Variants in GGCX observed in about 807,000 individuals in gnomAD.
GGCX encodes the protein gamma-glutamyl carboxylase, also known as vitamin K-dependent gamma-carboxylase.
A neutral mutation model predicts 88.5 loss-of-function variants in GGCX; 63 were observed. The observed-to-expected ratio is 0.71, with a 90% CI of 0.58 to 0.88. GGCX has a LOEUF of 0.88. Ranked by LOEUF, GGCX falls within the 40% of genes least tolerant of loss-of-function variation. The pLI, the probability that GGCX is intolerant of heterozygous loss-of-function variation, is 0.00. For missense variants in GGCX, 805 were observed against 932.9 expected (o/e 0.86, Z 1.79); for synonymous variants, 368 against 365.8 (o/e 1.01, Z -0.07).
chr2:85,555,108 G>A, intron 6 of GGCX: 1 of 212,060 alleles, frequency 4.7e-6, no homozygotes, highest in Non-Finnish European at 9.7e-6. Context: ...TGAACAGTGA[G>A]TGCCCATCTT....
chr2:85,559,838 A>G (rs780023966), intron 2 of GGCX, among the ~76,000 whole-genome samples: 1 of 152,196 alleles, frequency 6.6e-6, no homozygotes, highest in Non-Finnish European at 1.5e-5. Context: ...AGAAGAGGCT[A>G]CTCAGATCAG....
rs1028959568 is a variant in GGCX at position 85,548,555 on chromosome 2, CTG to C, written c.*1377_*1378del. 1 of 152,186 alleles carries C rather than the reference CTG, an allele frequency of 6.6e-6. No individual in the cohort carries two copies. Among genetic ancestry groups the C allele is most frequent in the Admixed American group, 6.5e-5 (1 of 15,274 alleles). 9.4% of individuals were successfully genotyped at this position (152,186 alleles called of 1,614,324 possible). On this transcript the variant is annotated 3_prime_UTR_variant, in exon 15 of 15. Transcript: ENST00000233838. ...TGCTTAGGAAAGAACCCCCGGAACA[CTG>C]TCCAAGGAGGAGTGGGGGAGAGTAT...
Position 85,551,523 on chromosome 2 carries a change from G to A in GGCX, c.1697C>T (p.Ala566Val), listed in dbSNP as rs1334846820. The A allele has an allele frequency of 6.2e-7, 1 of 1,613,850 alleles. No homozygotes were observed. The highest frequency in any genetic ancestry group is 1.7e-5 in the Admixed American group (1 of 60,006). The stretch of plus-strand genomic sequence containing the variant: ...TCGAAGAGTCTGGTTCTTCTGTTCT[G>A]CCACAAGCTCCACAGTCACTTCCCC... The part of the protein sequence containing the change: ...LQGEVTVELV[A>V]EQKNQTLREG... Residue 566 changes from alanine to valine, a missense_variant, in exon 12 of 15, where the codon GCA (alanine) becomes GTA (valine). By Grantham distance (64) the Ala-to-Val change is moderately conservative. This residue lies in a region of GGCX where 680 missense variants were observed against 763.7 expected (regional missense o/e 0.89). Coordinates refer to ENST00000233838, the MANE Select transcript of GGCX (RefSeq NM_000821.7).
At position 85,550,644 on chromosome 2, in the gene GGCX, C is replaced by T; in HGVS notation, c.1995G>A (p.Arg665=). 1 of 1,613,902 alleles carries T rather than the reference C, an allele frequency of 6.2e-7. No homozygotes were observed. The highest frequency in any genetic ancestry group is 8.5e-7 in the Non-Finnish European group (1 of 1,179,784). ...TTCGCCGGCGTTCAATCTCCTGGAG[C>T]CTTTGTTGGCGTCTAAGAAAGGTCT... ...LVQTFLRRQQ[R]LQEIERRRNT... Residue 665 remains arginine (R), a synonymous_variant, in exon 14 of 15, where the codon AGG becomes AGA. Transcript: ENST00000233838.
At chr2:85,550,772 G>C (rs1225649967) in intron 13 of GGCX, 22 bp from the exon 14 acceptor site, 2 of 1,611,066 alleles carry the variant, frequency 1.2e-6, no homozygotes, top group Non-Finnish European at 8.5e-7. Context: ...ACAGAAAAAA[G>C]AGGAATCACT....
chr2:85,551,108 C>CT lies in GGCX; in HGVS notation c.1741-37dup, dbSNP rs1197161798. ...AGAAGAAATGGATAAATTTCATCAG[C>CT]TTTTCTCTAGCCAGCTTATGGCCTC... On this transcript the variant is annotated intron_variant, in intron 12 of 14. Transcript: ENST00000233838. 4 of 1,604,496 alleles carry CT rather than the reference C, an allele frequency of 2.5e-6. No homozygotes were observed. The African/African-American group carries it at 4.0e-5, about 16-fold the overall frequency.
chr2:85,548,582 T>C lies in GGCX; in HGVS notation c.*1352A>G, dbSNP rs1203139993. On this transcript the variant is annotated 3_prime_UTR_variant, in exon 15 of 15. Transcript: ENST00000233838. ...GTCCAAGGAGGAGTGGGGGAGAGTATGGGAAGAGAAGCCTGCAAAGAGATG... is the reference window on the plus strand; with the variant it reads ...GTCCAAGGAGGAGTGGGGGAGAGTACGGGAAGAGAAGCCTGCAAAGAGATG... The C allele has an allele frequency of 6.6e-6, 1 of 152,084 alleles. No individual in the cohort carries two copies. The highest frequency in any genetic ancestry group is 1.5e-5 in the Non-Finnish European group (1 of 68,018). The allele number at this position is 152,084 out of a possible 1,614,324, so 9.4% of individuals were successfully genotyped here. A position where few individuals can be genotyped will look rare whatever the true frequency, so the allele number is the denominator to read the frequency against.
chr2:85,550,049 G>GTCACCTCC lies in GGCX; in HGVS notation c.2154_2161dup (p.Thr721ArgfsTer3). The GTCACCTCC allele has an allele frequency of 6.2e-7, 1 of 1,612,432 alleles. No homozygotes were observed. Among genetic ancestry groups the GTCACCTCC allele is most frequent in the South Asian group, 1.1e-5 (1 of 91,046 alleles). ...CTCAAAGGGTCTCAAGTTTGCATAA[G>GTCACCTCC]TCACCTCCTGGGCCAGCTGCTCCAG... is the stretch of plus-strand genomic sequence containing the variant. On this transcript the variant is annotated stop_gained and frameshift_variant, in exon 15 of 15. Coordinates refer to ENST00000233838, the MANE Select transcript of GGCX (RefSeq NM_000821.7). LOFTEE classifies it low-confidence loss of function (END_TRUNC).
chr2:85,552,691 T>G, intron 9 of GGCX, 124 bp from the exon 10 acceptor site: 1 of 1,086,224 alleles, frequency 9.2e-7, no homozygotes, highest in Non-Finnish European at 1.4e-6. Flanking sequence ...AAATGGAACT[T>G]GCCTTTGGGA....
Position 85,553,374 on chromosome 2 carries a change from T to C in GGCX, c.1013A>G (p.Gln338Arg), listed in dbSNP as rs767126491. The change falls in exon 8 of 15, where the codon CAG becomes CGG. Residue 338 changes from glutamine to arginine, a missense_variant. Physicochemically the swap from Gln to Arg is conservative, Grantham distance 43. Around this residue, in one of 3 missense-constraint regions of GGCX, gnomAD observed 680 missense variants for 763.7 expected, o/e 0.89. Transcript: ENST00000233838. The stretch of plus-strand genomic sequence containing the variant: ...CTTATACACACAGGAAACACTGGGC[T>C]GAGGGGCTGCCTTGAGGGGCAACAG... Reference protein sequence around the residue: ...QQLLPLKAAPQPSVSCVYKRS... With the variant: ...QQLLPLKAAPRPSVSCVYKRS... 6 of 1,614,208 alleles carry C rather than the reference T, an allele frequency of 3.7e-6. No homozygotes were observed. In the Admixed American group the frequency reaches 1.0e-4, roughly 27 times the overall value.
At chr2:85,558,845 G>T in intron 3 of GGCX, 72 bp downstream of exon 3, 1 of 1,405,660 alleles carries the variant, frequency 7.1e-7, no homozygotes, top group Non-Finnish European at 1.0e-6. Context: ...CAAAGACTTT[G>T]ACCATTCACC....
chr2:85,560,763 T>C (rs1442049358), intron 2 of GGCX, 52 bp downstream of exon 2: 8 of 1,388,400 alleles, frequency 5.8e-6, no homozygotes, highest in Non-Finnish European at 8.2e-6. Flanking sequence ...AAAATAGAGA[T>C]TGTCATTCTC....
chr2:85,554,351 C>A (rs753943313), intron 6 of GGCX, 45 bp from the exon 7 acceptor site: 2 of 1,559,766 alleles, frequency 1.3e-6, no homozygotes, highest in East Asian at 4.5e-5. Context: ...CACTGGAGAA[C>A]ACATCAAAGC....
In GGCX at chr2:85,558,535, A is replaced by C. The variant is rs1377815840; in HGVS notation, c.444T>G (p.Tyr148Ter). Residue 148 changes from tyrosine to a stop codon, truncating the protein, a stop_gained, in exon 4 of 15, where the codon TAT becomes TAG. Transcript: ENST00000233838. LOFTEE classifies it high-confidence loss of function. ...SCVLFLLPYW[Y>*]VFLLDKTSWN... ...ATGATGTCTTGTCCAGGAGAAACACATACCAGTATGGCAGCAGGAATAACA... is the reference window on the plus strand; with the variant it reads ...ATGATGTCTTGTCCAGGAGAAACACCTACCAGTATGGCAGCAGGAATAACA... 6.2e-7 allele frequency: 1 copy of C among 1,613,072 alleles called. No individual in the cohort carries two copies. Among genetic ancestry groups the C allele is most frequent in the East Asian group, 2.2e-5 (1 of 44,874 alleles).
At chr2:85,553,161 C>T (rs1295768013) in intron 8 of GGCX, 71 bp downstream of exon 8, 1 of 1,611,834 alleles carries the variant, frequency 6.2e-7, no homozygotes, top group African/African-American at 1.3e-5. Context: ...CAGCCCCATT[C>T]TTTCCCAACT....
intron 9 of GGCX, 73 bp downstream of exon 9, chr2:85,552,866 G>A: frequency 3.9e-6 from 6 of 1,535,414 alleles, no homozygotes; most frequent in Non-Finnish European, 5.4e-6. Context: ...TATGGTGTGT[G>A]TAAGACAAAA....
rs11676382 is a variant in GGCX, at chr2:85,550,510, C to G, written c.2084+45G>C. 0.083 allele frequency: 118,097 copies of G among 1,425,082 alleles called. 5,754 individuals carry two copies. Among genetic ancestry groups the G allele is most frequent in the Non-Finnish European group, 0.1 (104,326 of 1,007,326 alleles). The allele number at this position is 1,425,082 out of a possible 1,614,324, so 88.3% of individuals were successfully genotyped here. A position where few individuals can be genotyped will look rare whatever the true frequency, so the allele number is the denominator to read the frequency against. ...CTCTCCCCAGGGGAAAGTTACCAAGCTTGCCAACATATGATGGCAATGACA... is the reference window on the plus strand; with the variant it reads ...CTCTCCCCAGGGGAAAGTTACCAAGGTTGCCAACATATGATGGCAATGACA... On this transcript the variant is annotated intron_variant, in intron 14 of 14. Coordinates refer to ENST00000233838, the MANE Select transcript of GGCX (RefSeq NM_000821.7).
chr2:85,558,421 T>G lies in GGCX; in HGVS notation c.539+19A>C. On this transcript the variant is annotated intron_variant, in intron 4 of 14. Transcript: ENST00000233838. The stretch of plus-strand genomic sequence containing the variant: ...CCTGACCCAGCCAACCCCTCCCCTT[T>G]GTCCCCCCTGACTCATACCAGTAGT... The G allele has an allele frequency of 1.2e-6, 2 of 1,609,888 alleles. No individual in the cohort carries two copies. Among genetic ancestry groups the G allele is most frequent in the Non-Finnish European group, 1.7e-6 (2 of 1,176,118 alleles).
intron 6 of GGCX, 168 bp downstream of exon 6, chr2:85,555,316 A>G: frequency 6.6e-6 from 4 of 601,754 alleles, no homozygotes; most frequent in Non-Finnish European, 1.2e-5. Context: ...CTAGGGCTCA[A>G]TCTTTTGATA....
Sources: allele counts gnomAD v4.1 joint callset (sites outside exome capture counted in the v4.1 genomes callset), GRCh38; gene constraint gnomAD v4.1.1; regional missense constraint gnomAD v4.1.1; transcripts MANE v1.5; gene names NCBI Gene and HGNC (gene_info 2026-07-23, HGNC 2026-07-21).